The following CENPP variants were observed in gnomAD, a reference collection of about 807,000 sequenced individuals.
The protein encoded by CENPP is centromere protein P.
CENPP carries 24 observed loss-of-function variants against 35.6 expected under a neutral mutation model. The ratio of observed to expected loss-of-function variants is 0.67; its 90% confidence interval spans 0.49 to 0.95. The LOEUF is 0.95. CENPP is among the 40% of genes least tolerant of loss of function. The pLI, the probability that CENPP is intolerant of heterozygous loss-of-function variation, is 0.00. For missense variants in CENPP, 332 were observed against 345.3 expected, an observed-to-expected ratio of 0.96 and a Z score of 0.31; for synonymous variants, 120 against 125.5, an observed-to-expected ratio of 0.96 and a Z score of 0.29.
At chr9:92,474,994 G>T in intron 5 of CENPP, 1 of 1,385,216 alleles carries the variant, frequency 7.2e-7, no homozygotes, top group Non-Finnish European at 9.4e-7. Flanking sequence ...TCTCAGTTCT[G>T]GCAAGAGTGC....
chr9:92,354,594 T>C (rs1841543186), intron 4 of CENPP, among the ~76,000 whole-genome samples: 1 of 152,202 alleles, frequency 6.6e-6, no homozygotes, highest in Non-Finnish European at 1.5e-5. Flanking sequence ...TCCTGGACTC[T>C]TGCTATCCTC....
intron 4 of CENPP, among the ~76,000 whole-genome samples, chr9:92,366,777 T>C (rs1227993219): frequency 6.6e-6 from 1 of 152,232 alleles, no homozygotes; most frequent in African/African-American, 2.4e-5. Flanking sequence ...TGAGGCTGTT[T>C]TGAGGATATT....
At chr9:92,611,782 G>A (rs1298288981) in intron 6 of CENPP, among the ~76,000 whole-genome samples, 6 of 152,192 alleles carry the variant, frequency 3.9e-5, no homozygotes, top group Admixed American at 1.3e-4. Context: ...TGATAGCACA[G>A]CTGATCCCTC....
intron 5 of CENPP, chr9:92,457,445 A>C (rs1280774449): frequency 6.2e-7 from 1 of 1,613,128 alleles, no homozygotes; most frequent in Non-Finnish European, 8.5e-7. Context: ...GAAGTCATTT[A>C]CTCCCACTCT....
chr9:92,578,623 C>G (rs1850343159), intron 5 of CENPP, among the ~76,000 whole-genome samples: 1 of 152,124 alleles, frequency 6.6e-6, no homozygotes, highest in African/African-American at 2.4e-5. Context: ...TGTTCATGTC[C>G]TTTGCCCACT....
chr9:92,372,672 T>C (rs1292431670), intron 4 of CENPP, among the ~76,000 whole-genome samples: 1 of 152,232 alleles, frequency 6.6e-6, no homozygotes, highest in Admixed American at 6.5e-5. Flanking sequence ...ACTTTATTTC[T>C]CTTTCATTTA....
intron 5 of CENPP, among the ~76,000 whole-genome samples, chr9:92,570,681 G>T (rs1850113454): frequency 6.6e-6 from 1 of 152,204 alleles, no homozygotes; most frequent in Admixed American, 6.5e-5. Flanking sequence ...ACCTCTGGTA[G>T]AATTCGGCTG....
intron 5 of CENPP, among the ~76,000 whole-genome samples, chr9:92,546,046 G>T (rs987263174): frequency 6.6e-6 from 1 of 151,788 alleles, no homozygotes; most frequent in Non-Finnish European, 1.5e-5. Flanking sequence ...GTCTAGCTCA[G>T]GGTTTGCAAA....
At chr9:92,465,004 A>G in intron 5 of CENPP, 1 of 1,613,686 alleles carries the variant, frequency 6.2e-7, no homozygotes, top group Non-Finnish European at 8.5e-7. Context: ...CTATCCCATT[A>G]TTATCAAGAG....
intron 5 of CENPP, among the ~76,000 whole-genome samples, chr9:92,498,232 T>C (rs1413477394): frequency 6.6e-6 from 1 of 152,054 alleles, no homozygotes; most frequent in East Asian, 1.9e-4. Flanking sequence ...CAAAAATAAA[T>C]ACTGGAAGGA....
rs1006197882 is a variant in CENPP, at chr9:92,372,321, A to G, written c.468-7442A>G. Among the ~76,000 whole-genome samples the G allele has an allele frequency of 4.6e-5, 7 of 151,848 alleles. 1 individual carries two copies. In the East Asian group the frequency reaches 9.7e-4, roughly 21 times the overall value. On this transcript the variant is annotated intron_variant, in intron 4 of 7. Coordinates refer to ENST00000375587, the MANE Select transcript of CENPP (RefSeq NM_001012267.3). The stretch of plus-strand genomic sequence containing the variant: ...ATGTTTGAATCCATTCAACCTTTCT[A>G]TATCTTTTAAGAAGAGAATTTAATC...
At chr9:92,552,064 GA>G (rs1849617418) in intron 5 of CENPP, among the ~76,000 whole-genome samples, 3 of 131,206 alleles carry the variant, frequency 2.3e-5, no homozygotes, top group African/African-American at 3.3e-5. Context: ...TCATATATGT[GA>G]TATGATAGAT....
At chr9:92,328,966 A>G (rs1840651826) in intron 1 of CENPP, among the ~76,000 whole-genome samples, 1 of 152,144 alleles carries the variant, frequency 6.6e-6, no homozygotes, top group Non-Finnish European at 1.5e-5. Context: ...GAACTTTTTC[A>G]TCACCCCTAA....
intron 2 of CENPP, among the ~76,000 whole-genome samples, chr9:92,335,140 C>T (rs938921627): frequency 3.3e-5 from 5 of 151,906 alleles, no homozygotes; most frequent in Non-Finnish European, 7.4e-5. Flanking sequence ...GGCGACAGAA[C>T]GAGACTCCAT....
chr9:92,540,759 C>T (rs1452656740), intron 5 of CENPP, among the ~76,000 whole-genome samples: 2 of 139,014 alleles, frequency 1.4e-5, no homozygotes, highest in Non-Finnish European at 3.0e-5. Context: ...CAACAGAGCA[C>T]GACTCTGTCT....
In CENPP at chr9:92,326,120, C is replaced by A; in HGVS notation, c.107+15C>A. On this transcript the variant is annotated intron_variant, in intron 1 of 7. Coordinates refer to ENST00000375587, the MANE Select transcript of CENPP (RefSeq NM_001012267.3). ...TCCCGAGTCCAGTACGTGACCACCC[C>A]AAGTCCCCCAGGGCCCGCTGGCCAG... The A allele has an allele frequency of 6.7e-7, 1 of 1,497,676 alleles. No homozygotes were observed. Among genetic ancestry groups the A allele is most frequent in the Non-Finnish European group, 9.0e-7 (1 of 1,108,074 alleles). The allele number at this position is 1,497,676 out of a possible 1,614,324, so 92.8% of individuals were successfully genotyped here.
At chr9:92,432,534 G>A (rs1056350794) in intron 5 of CENPP, among the ~76,000 whole-genome samples, 1 of 152,066 alleles carries the variant, frequency 6.6e-6, no homozygotes, top group African/African-American at 2.4e-5. Flanking sequence ...AACAAAACTA[G>A]CAGATGTTGT....
chr9:92,402,485 T>C (rs1338980313), intron 5 of CENPP, among the ~76,000 whole-genome samples: 4 of 152,212 alleles, frequency 2.6e-5, no homozygotes, highest in Non-Finnish European at 5.9e-5. Context: ...GTGTCATACA[T>C]AGTGGGCAAC....
At chr9:92,500,971 G>A in intron 5 of CENPP, 5 of 1,614,182 alleles carry the variant, frequency 3.1e-6, no homozygotes, top group Non-Finnish European at 4.2e-6. Flanking sequence ...TTCCCAAGGA[G>A]TACTAGGTGC....
Sources: allele counts gnomAD v4.1 joint callset (sites outside exome capture counted in the v4.1 genomes callset), GRCh38; gene constraint gnomAD v4.1.1; transcripts MANE v1.5; gene names NCBI Gene and HGNC (gene_info 2026-07-23, HGNC 2026-07-21).